ADAM17: variants seen among roughly 807,000 people sequenced by gnomAD.
ADAM17 encodes ADAM metallopeptidase domain 17.
In ADAM17, 39 loss-of-function variants were observed where a neutral mutation model predicts 96.7. The ratio of observed to expected loss-of-function variants is 0.40; its 90% CI spans 0.31 to 0.53. The LOEUF is 0.53. Among genes scored for constraint, ADAM17 ranks in the 20% least tolerant of loss-of-function variants. The pLI is 0.44. For synonymous variants in ADAM17, 344 were observed against 359.2 expected (o/e 0.96, Z 0.48); for missense variants, 777 against 1,013.2 (o/e 0.77, Z 3.17).
chr2:9,497,992 T>C (rs1295978604), intron 13 of ADAM17, among the ~76,000 whole-genome samples: 1 of 152,216 alleles, frequency 6.6e-6, no homozygotes, highest in Admixed American at 6.5e-5. Context: ...TATCATATTA[T>C]AGGTATACTA....
rs1298570790 is a variant in ADAM17 at position 9,492,966 on chromosome 2, T to C, written c.2014A>G (p.Ile672Val). Residue 672 changes from isoleucine (I) to valine (V), a missense_variant, in exon 17 of 19, where the codon ATC becomes GTC. By Grantham distance (29) the Ile-to-Val change is conservative (BLOSUM62 3). Around this residue, in one of 3 missense-constraint regions of ADAM17, gnomAD observed 197 missense variants for 219.4 expected, o/e 0.90. Coordinates refer to ENST00000310823, the MANE Select transcript of ADAM17 (RefSeq NM_003183.6). ...NTFGKFLADN[I>V]VGSVLVFSLI... ...GAGAAAACCAGGACAGACCCAACGATGTTGTCTGCTAAAAACTTTCCTGTG... is the reference window on the plus strand; with the variant it reads ...GAGAAAACCAGGACAGACCCAACGACGTTGTCTGCTAAAAACTTTCCTGTG... 6 of 1,611,566 alleles carry C rather than the reference T, an allele frequency of 3.7e-6. No homozygotes were observed. Among genetic ancestry groups the C allele is most frequent in the African/African-American group, 1.3e-5 (1 of 74,930 alleles).
At chr2:9,521,121 C>T in intron 8 of ADAM17, 82 bp downstream of exon 8, 1 of 1,142,624 alleles carries the variant, frequency 8.8e-7, no homozygotes, top group South Asian at 1.3e-5. Flanking sequence ...TTCTAACATG[C>T]TCCTTCATTA....
intron 11 of ADAM17, among the ~76,000 whole-genome samples, chr2:9,507,195 C>A (rs1663461916): frequency 6.6e-6 from 1 of 152,060 alleles, no homozygotes. Context: ...TTAAGGAATT[C>A]ATTTAAAACA....
At chr2:9,509,932 C>T (rs764722685) in intron 11 of ADAM17, 47 bp downstream of exon 11, 14 of 1,605,198 alleles carry the variant, frequency 8.7e-6, no homozygotes, top group African/African-American at 1.3e-5. Flanking sequence ...GATCATTATA[C>T]ACAGCCTCTT....
intron 5 of ADAM17, among the ~76,000 whole-genome samples, chr2:9,526,472 T>G (rs1198203672): frequency 2.0e-5 from 3 of 152,190 alleles, no homozygotes; most frequent in Non-Finnish European, 2.9e-5. Context: ...GCCTCTTTAA[T>G]TTTTCCAATA....
chr2:9,526,387 T>A, intron 5 of ADAM17, 143 bp from the exon 6 acceptor site: 2 of 859,952 alleles, frequency 2.3e-6, no homozygotes. Flanking sequence ...CAACAAAAAA[T>A]AATTTGGAGG....
intron 11 of ADAM17, among the ~76,000 whole-genome samples, chr2:9,507,796 T>G (rs1437410439): frequency 2.0e-5 from 3 of 152,142 alleles, no homozygotes. Context: ...CTTGGCTCAC[T>G]GCCGCCTTGA....
chr2:9,512,604 A>T (rs1663803982), intron 10 of ADAM17, among the ~76,000 whole-genome samples: 1 of 152,152 alleles, frequency 6.6e-6, no homozygotes, highest in Non-Finnish European at 1.5e-5. Flanking sequence ...GGGTCCAGAG[A>T]TCCTCATTCT....
intron 1 of ADAM17, among the ~76,000 whole-genome samples, chr2:9,551,198 G>A (rs1665581558): frequency 1.3e-5 from 2 of 150,604 alleles, no homozygotes; most frequent in South Asian, 4.2e-4. Flanking sequence ...GCAGAACACT[G>A]TCAAATGAAG....
chr2:9,535,273 T>C (rs1386217838), intron 4 of ADAM17, among the ~76,000 whole-genome samples: 1 of 152,200 alleles, frequency 6.6e-6, no homozygotes, highest in African/African-American at 2.4e-5. Context: ...TCAACTTCAA[T>C]TCACAATTAT....
chr2:9,532,738 T>G (rs939277568), intron 4 of ADAM17, among the ~76,000 whole-genome samples: 3 of 145,906 alleles, frequency 2.1e-5, no homozygotes, highest in African/African-American at 7.7e-5. Flanking sequence ...TCCACCCGCC[T>G]CAGCCTCCCA....
Position 9,509,904 on chromosome 2 carries a change from T to C in ADAM17, c.1344+75A>G, listed in dbSNP as rs1663637536. ...GGGAAACGCCTAGGAATGGAATACGTTTCTGAGCTCTCATTATGATCATTA... is the reference window on the plus strand; with the variant it reads ...GGGAAACGCCTAGGAATGGAATACGCTTCTGAGCTCTCATTATGATCATTA... On this transcript the variant is annotated intron_variant, in intron 11 of 18. Transcript: ENST00000310823. 4.5e-6 allele frequency: 7 copies of C among 1,554,132 alleles called. No homozygotes were observed. In the South Asian group the frequency reaches 5.9e-5, roughly 13 times the overall value.
At chr2:9,501,302 G>A (rs181806818) in intron 13 of ADAM17, among the ~76,000 whole-genome samples, 1 of 152,068 alleles carries the variant, frequency 6.6e-6, no homozygotes, top group Non-Finnish European at 1.5e-5. Context: ...ATGCTAATAG[G>A]ACAGCAGGGT....
At chr2:9,518,353 C>T (rs1664161622) in intron 8 of ADAM17, 106 bp from the exon 9 acceptor site, 3 of 1,305,182 alleles carry the variant, frequency 2.3e-6, no homozygotes, top group Non-Finnish European at 2.0e-6. Flanking sequence ...CAGAACAGAA[C>T]TATGATGGCA....
At chr2:9,515,850 T>C (rs1046139146) in intron 10 of ADAM17, among the ~76,000 whole-genome samples, 7 of 152,202 alleles carry the variant, frequency 4.6e-5, no homozygotes, top group Non-Finnish European at 7.4e-5. Flanking sequence ...TGTTGCTCCA[T>C]AGCCTTGTTG....
intron 1 of ADAM17, among the ~76,000 whole-genome samples, chr2:9,548,632 C>T (rs930735855): frequency 6.6e-6 from 1 of 152,114 alleles, no homozygotes; most frequent in African/African-American, 2.4e-5. Flanking sequence ...TATTTTGTTC[C>T]TTATACACAG....
intron 2 of ADAM17, 135 bp from the exon 3 acceptor site, chr2:9,536,963 T>C (rs1664984062): frequency 2.0e-6 from 2 of 1,008,088 alleles, no homozygotes; most frequent in East Asian, 2.7e-5. Context: ...TAAAGTCTTA[T>C]TAGGTACTTA....
intron 10 of ADAM17, among the ~76,000 whole-genome samples, chr2:9,514,959 T>C (rs1558510276): frequency 6.6e-6 from 1 of 152,190 alleles, no homozygotes. Context: ...CTACAGCCTC[T>C]AACTCTTGGC....
In ADAM17 at chr2:9,494,797, G is replaced by GTC. The variant is rs1558494236; in HGVS notation, c.1784-31_1784-30insGA. ...AACAGAGAACACGCATTGACAGCTG[G>GTC]ATTGTTCTGAGACCTGCCTCTCCTC... On this transcript the variant is annotated intron_variant, in intron 14 of 18. Coordinates refer to ENST00000310823, the MANE Select transcript of ADAM17 (RefSeq NM_003183.6). The GTC allele has an allele frequency of 5.0e-6, 8 of 1,612,070 alleles. No homozygotes were observed. In the South Asian group the frequency reaches 8.8e-5, roughly 18 times the overall value.
Sources: allele counts gnomAD v4.1 joint callset (sites outside exome capture counted in the v4.1 genomes callset), GRCh38; gene constraint gnomAD v4.1.1; regional missense constraint gnomAD v4.1.1; transcripts MANE v1.5; gene names NCBI Gene and HGNC (gene_info 2026-07-23, HGNC 2026-07-21).